Variants in DOCK2 observed in about 807,000 individuals in gnomAD.
The protein encoded by DOCK2 is dedicator of cytokinesis 2.
DOCK2 carries 87 observed loss-of-function variants against 248.9 expected under a neutral mutation model. That is an observed-to-expected ratio of 0.35 (90% CI 0.29 to 0.42). The LOEUF is 0.42. Ranked by LOEUF, DOCK2 falls within the 10% of genes least tolerant of loss-of-function variation. The pLI, the probability that DOCK2 is intolerant of heterozygous loss-of-function variation, is 1.00. For missense variants in DOCK2, 1,747 were observed against 2,300.2 expected (o/e 0.76, Z 4.92); for synonymous variants, 805 against 821.6 (o/e 0.98, Z 0.35).
At chr5:169,830,844 A>G (rs113449277) in intron 26 of DOCK2, among the ~76,000 whole-genome samples, 4 of 152,292 alleles carry the variant, frequency 2.6e-5, no homozygotes, top group African/African-American at 9.6e-5. Flanking sequence ...GCGAGCCCCA[A>G]GGTTACATCT....
At chr5:170,080,048 A>G (rs1757972214) in intron 49 of DOCK2, 115 bp from the exon 50 acceptor site, 1 of 1,534,492 alleles carries the variant, frequency 6.5e-7, no homozygotes, top group Non-Finnish European at 8.8e-7. Flanking sequence ...ACTTGGAGCC[A>G]GCTTCATAGA....
intron 27 of DOCK2, among the ~76,000 whole-genome samples, chr5:169,925,578 TTAAAAAA>T (rs1201520034): frequency 3.1e-5 from 1 of 32,324 alleles, no homozygotes; most frequent in South Asian, 1.2e-3. Context: ...AGACTCTGTC[TTAAAAAA>T]AAAAAAAAAA....
At chr5:169,962,792 G>A (rs1260443674) in intron 27 of DOCK2, among the ~76,000 whole-genome samples, 3 of 152,198 alleles carry the variant, frequency 2.0e-5, no homozygotes, top group African/African-American at 7.2e-5. Context: ...CTGCTGAGAT[G>A]GCAAGTGTCA....
In DOCK2 at chr5:169,876,605, A is replaced by C. The variant is rs562622214; in HGVS notation, c.2799+35753A>C. ...GTGCAGCAAGCTCTCTGAGTCATCAAAGAAAGGTTCTCTCTTGTTGAAAGT... is the reference window on the plus strand; with the variant it reads ...GTGCAGCAAGCTCTCTGAGTCATCACAGAAAGGTTCTCTCTTGTTGAAAGT... On this transcript the variant is annotated intron_variant, in intron 27 of 51. Transcript: ENST00000520908. Among the ~76,000 whole-genome samples the C allele has an allele frequency of 4.6e-5, 7 of 152,356 alleles. No homozygotes were observed. In the East Asian group the frequency reaches 1.3e-3, roughly 29 times the overall value.
chr5:169,823,298 C>T (rs1361870112), intron 26 of DOCK2, among the ~76,000 whole-genome samples: 2 of 152,134 alleles, frequency 1.3e-5, no homozygotes, highest in African/African-American at 2.4e-5. Context: ...GGTACCAAAG[C>T]CTGGCAGAGA....
chr5:170,019,174 A>ATCC, intron 33 of DOCK2, 66 bp downstream of exon 33: 1 of 1,607,216 alleles, frequency 6.2e-7, no homozygotes, highest in Non-Finnish European at 8.5e-7. Context: ...CCATAATGAT[A>ATCC]TCCTCATTCC....
intron 27 of DOCK2, among the ~76,000 whole-genome samples, chr5:169,874,679 A>G (rs1326929934): frequency 6.6e-6 from 1 of 152,074 alleles, no homozygotes; most frequent in East Asian, 1.9e-4. Context: ...TTGGCCAGGG[A>G]GCAGAATTAG....
chr5:170,008,856 C>G, intron 32 of DOCK2, 110 bp downstream of exon 32: 2 of 1,284,538 alleles, frequency 1.6e-6, no homozygotes, highest in South Asian at 2.4e-5. Flanking sequence ...CATGAAATAA[C>G]AGTTCATTAC....
At chr5:170,021,591 C>T (rs760487395) in intron 33 of DOCK2, among the ~76,000 whole-genome samples, 4 of 152,102 alleles carry the variant, frequency 2.6e-5, no homozygotes, top group Non-Finnish European at 2.9e-5. Flanking sequence ...CTGTTTTCTC[C>T]GTATAGAGTC....
intron 27 of DOCK2, among the ~76,000 whole-genome samples, chr5:169,922,507 A>G (rs1238636247): frequency 3.9e-5 from 6 of 152,236 alleles, no homozygotes; most frequent in Non-Finnish European, 5.9e-5. Context: ...TTATCTAAGT[A>G]AAGTAGATCT....
chr5:169,867,951 A>G (rs1294842378), intron 27 of DOCK2, among the ~76,000 whole-genome samples: 1 of 152,182 alleles, frequency 6.6e-6, no homozygotes, highest in African/African-American at 2.4e-5. Context: ...CCAGGAACAC[A>G]CATAGTTCAC....
At chr5:169,775,450 A>T (rs552780086) in intron 25 of DOCK2, among the ~76,000 whole-genome samples, 1 of 151,996 alleles carries the variant, frequency 6.6e-6, no homozygotes, top group Non-Finnish European at 1.5e-5. Context: ...TTTTTTTGAG[A>T]TAAGTCTCCC....
intron 26 of DOCK2, among the ~76,000 whole-genome samples, chr5:169,838,251 T>C (rs1260642228): frequency 1.3e-5 from 2 of 152,046 alleles, no homozygotes; most frequent in Non-Finnish European, 2.9e-5. Flanking sequence ...TCTGCATGGG[T>C]GAGTTTGGAT....
At chr5:170,057,345 C>A (rs1757166793) in intron 43 of DOCK2, 2 of 566,480 alleles carry the variant, frequency 3.5e-6, no homozygotes, top group Non-Finnish European at 6.3e-6. Context: ...TGCTAATAAA[C>A]CCAGGTTAGT....
Position 170,070,457 on chromosome 5 carries a change from G to A in DOCK2, c.4728+1237G>A, listed in dbSNP as rs181500350. ...AGCACTGCACAGACGCGCTTTTCCC[G>A]AATGCATGTTGTGTGTCTGTCTGGA... is the stretch of plus-strand genomic sequence containing the variant. On this transcript the variant is annotated intron_variant, in intron 46 of 51. Transcript: ENST00000520908. Among the ~76,000 whole-genome samples, 606 of 152,294 alleles carry A rather than the reference G, an allele frequency of 4.0e-3. 1 individual carries two copies. The highest frequency in any genetic ancestry group is 6.5e-3 in the Non-Finnish European group (442 of 68,020).
In DOCK2 at chr5:169,710,437, G is replaced by C. The variant is rs564001665; in HGVS notation, c.1483-1498G>C. Among the ~76,000 whole-genome samples the C allele has an allele frequency of 3.3e-5, 5 of 152,334 alleles. No individual in the cohort carries two copies. In the South Asian group the frequency reaches 8.3e-4, roughly 25 times the overall value. ...GCAAGCCAATGTGAGCCTATCACAG[G>C]CTGTATAATGCCTGAAAGATGCCCT... On this transcript the variant is annotated intron_variant, in intron 15 of 51. Coordinates refer to ENST00000520908, the MANE Select transcript of DOCK2 (RefSeq NM_004946.3).
At chr5:170,059,227 G>A (rs962456978) in intron 44 of DOCK2, among the ~76,000 whole-genome samples, 3 of 141,416 alleles carry the variant, frequency 2.1e-5, no homozygotes, top group Non-Finnish European at 1.5e-5. Flanking sequence ...AAGTGTCTGT[G>A]CCCTTGCTTC....
At chr5:169,689,212 G>T (rs369019285) in intron 8 of DOCK2, 40 bp from the exon 9 acceptor site, 28 of 1,600,222 alleles carry the variant, frequency 1.7e-5, no homozygotes, top group Admixed American at 3.3e-5. Flanking sequence ...TGGATGTCAG[G>T]TCCCTTGGCA....
At chr5:170,082,768 GT>G in intron 51 of DOCK2, 27 bp from the exon 52 acceptor site, 1 of 1,613,974 alleles carries the variant, frequency 6.2e-7, no homozygotes, top group East Asian at 2.2e-5. Flanking sequence ...TCGCATCTTG[GT>G]TTTGTGCTTG....
Sources: gnomAD v4.1 joint callset for allele counts (sites outside exome capture counted in the v4.1 genomes callset) on GRCh38, gnomAD v4.1.1 for gene constraint, MANE v1.5 for transcripts, NCBI Gene and HGNC (gene_info 2026-07-23, HGNC 2026-07-21) for gene names.